Variants in RBMS3 observed in about 807,000 individuals in gnomAD.
The protein encoded by RBMS3 is RNA-binding motif, single-stranded-interacting protein 3.
In RBMS3, 27 loss-of-function variants were observed where a neutral mutation model predicts 66.8. That is an observed-to-expected ratio of 0.40 (90% CI 0.30 to 0.56). The LOEUF is 0.56. Ranked by LOEUF, RBMS3 falls within the 20% of genes least tolerant of loss-of-function variation. The probability of loss-of-function intolerance (pLI) is 0.40; values close to 1 mark genes in which losing one functional copy is unlikely to be tolerated. For synonymous variants in RBMS3, 188 were observed against 183.0 expected, an observed-to-expected ratio of 1.03 and a Z score of -0.22; for missense variants, 513 against 549.5, an observed-to-expected ratio of 0.93 and a Z score of 0.66.
intron 5 of RBMS3, among the ~76,000 whole-genome samples, chr3:29,760,373 C>T (rs977347945): frequency 1.3e-5 from 2 of 152,006 alleles, no homozygotes; most frequent in African/African-American, 4.8e-5. Flanking sequence ...AGGACTCTTG[C>T]AAGCAAGCTT....
intron 1 of RBMS3, among the ~76,000 whole-genome samples, chr3:29,370,366 G>C (rs2125600408): frequency 6.6e-6 from 1 of 152,302 alleles, no homozygotes; most frequent in Middle Eastern, 3.4e-3. Flanking sequence ...CCATTTTCAT[G>C]TTAGATAACT....
chr3:29,570,593 T>C (rs2046918025), intron 3 of RBMS3, among the ~76,000 whole-genome samples: 1 of 152,196 alleles, frequency 6.6e-6, no homozygotes, highest in South Asian at 2.1e-4. Context: ...TTTCTGTTAC[T>C]GGCTTATTTC....
At chr3:29,701,115 A>C (rs1263287301) in intron 4 of RBMS3, among the ~76,000 whole-genome samples, 7 of 152,088 alleles carry the variant, frequency 4.6e-5, no homozygotes, top group Non-Finnish European at 8.8e-5. Context: ...AGTCTCTACT[A>C]AAAATACAAA....
chr3:29,551,739 G>A lies in RBMS3; in HGVS notation c.308-35375G>A, dbSNP rs797018138. On this transcript the variant is annotated intron_variant, in intron 3 of 14. Coordinates refer to ENST00000383767, the MANE Select transcript of RBMS3 (RefSeq NM_001003793.3). ...AGTAATCTGACAATTCAAGTGTGAC[G>A]AGGTATCCAAATCTATCTTTTTGTT... is the stretch of plus-strand genomic sequence containing the variant. Among the ~76,000 whole-genome samples the A allele has an allele frequency of 1.2e-4, 18 of 152,222 alleles. 1 individual carries two copies. Among genetic ancestry groups the A allele is most frequent in the African/African-American group, 4.3e-4 (18 of 41,562 alleles).
chr3:29,747,124 T>TAAGAGGTGGA (rs2054936676), intron 5 of RBMS3, among the ~76,000 whole-genome samples: 2 of 152,166 alleles, frequency 1.3e-5, no homozygotes, highest in South Asian at 4.1e-4. Context: ...AATAGAAAAG[T>TAAGAGGTGGA]AAGAGGTGGA....
At chr3:29,927,059 T>C (rs965951970) in intron 10 of RBMS3, 1 of 152,202 alleles carries the variant, frequency 6.6e-6, no homozygotes, top group Non-Finnish European at 1.5e-5. Context: ...AGAATGGAAA[T>C]CATGTCGTGA....
chr3:29,846,991 T>C (rs2058797442), intron 6 of RBMS3, among the ~76,000 whole-genome samples: 1 of 152,160 alleles, frequency 6.6e-6, no homozygotes, highest in South Asian at 2.1e-4. Context: ...CCATCTGATA[T>C]AGTACCCAGG....
intron 4 of RBMS3, among the ~76,000 whole-genome samples, chr3:29,605,196 G>C (rs1473377446): frequency 6.6e-6 from 1 of 151,604 alleles, no homozygotes; most frequent in African/African-American, 2.4e-5. Flanking sequence ...TGGATTAAAG[G>C]AAGCCACTGT....
chr3:29,655,087 A>G (rs2050279300), intron 4 of RBMS3, among the ~76,000 whole-genome samples: 1 of 151,966 alleles, frequency 6.6e-6, no homozygotes, highest in Non-Finnish European at 1.5e-5. Context: ...CAGTGTCTTC[A>G]TCTGTGAAAT....
chr3:29,326,270 TCC>T (rs2035332335), intron 1 of RBMS3, among the ~76,000 whole-genome samples: 1 of 152,180 alleles, frequency 6.6e-6, no homozygotes, highest in Non-Finnish European at 1.5e-5. Context: ...CATTCTTACC[TCC>T]ACCCACTGAT....
intron 1 of RBMS3, among the ~76,000 whole-genome samples, chr3:29,365,085 A>T (rs1380659022): frequency 6.6e-6 from 1 of 152,158 alleles, no homozygotes; most frequent in Non-Finnish European, 1.5e-5. Flanking sequence ...TTAGGATGTG[A>T]CTACAGGTTC....
rs78198875 is a variant in RBMS3 at position 29,958,759 on chromosome 3, T to C, written c.1098+14505T>C. Among the ~76,000 whole-genome samples, 725 of 152,302 alleles carry C rather than the reference T, an allele frequency of 4.8e-3. 4 individuals are homozygous for C. The highest frequency in any genetic ancestry group is 0.017 in the African/African-American group (693 of 41,574). ...TATAGGTCCCAGTTCCTAAAATAAC[T>C]TTTCTTAGCAGTCTCACCAAGAGTG... On this transcript the variant is annotated intron_variant, in intron 12 of 14. Transcript: ENST00000383767.
In RBMS3 at chr3:29,384,435, T is replaced by TAATAAGAAGAAG. The variant is rs776357215; in HGVS notation, c.76-50306_76-50305insTAAGAAGAAGAA. ...TATACACCAATAATAATAATAATAA[T>TAATAAGAAGAAG]AAGAAGAAGAAGAAGAAGAAGAAGA... On this transcript the variant is annotated intron_variant, in intron 1 of 14. Transcript: ENST00000383767. 6.2e-3 allele frequency among the ~76,000 whole-genome samples: 874 copies of TAATAAGAAGAAG among 141,064 alleles called. 2 individuals are homozygous for TAATAAGAAGAAG. The highest frequency in any genetic ancestry group is 0.012 in the South Asian group (48 of 4,142). 92.5% of individuals were successfully genotyped at this position (141,064 alleles called of 152,430 possible). A position where few individuals can be genotyped will look rare whatever the true frequency, so the allele number is the denominator to read the frequency against.
At chr3:29,889,945 C>T (rs2059961090) in intron 8 of RBMS3, among the ~76,000 whole-genome samples, 2 of 151,704 alleles carry the variant, frequency 1.3e-5, no homozygotes, top group East Asian at 2.0e-4. Context: ...CCTCTAGTTT[C>T]ACCCAAAGCA....
chr3:29,657,962 A>G (rs4453804), intron 4 of RBMS3, among the ~76,000 whole-genome samples: 32,625 of 152,126 alleles, frequency 0.21, 3,791 homozygotes, highest in East Asian at 0.35. Flanking sequence ...TTCAAGGAAA[A>G]TAAATGAACA....
chr3:29,601,718 A>G (rs1005894167), intron 4 of RBMS3, among the ~76,000 whole-genome samples: 4 of 152,202 alleles, frequency 2.6e-5, no homozygotes, highest in African/African-American at 9.6e-5. Flanking sequence ...TGCACATTAA[A>G]TAAACCATTA....
chr3:29,516,017 A>C (rs528559572), intron 3 of RBMS3, among the ~76,000 whole-genome samples: 2 of 152,338 alleles, frequency 1.3e-5, no homozygotes, highest in African/African-American at 4.8e-5. Context: ...TGAGAGTTGA[A>C]GAGGACATGG....
intron 14 of RBMS3, among the ~76,000 whole-genome samples, chr3:29,995,124 A>G (rs1255949302): frequency 2.6e-5 from 4 of 152,244 alleles, no homozygotes; most frequent in Non-Finnish European, 5.9e-5. Flanking sequence ...TACGTGAAGA[A>G]TGCAGAAGCC....
chr3:29,868,898 A>T lies in RBMS3; in HGVS notation c.678A>T (p.Gly226=), dbSNP rs1320348648. 1.9e-6 allele frequency: 3 copies of T among 1,604,658 alleles called. No homozygotes were observed. The highest frequency in any genetic ancestry group is 2.6e-6 in the Non-Finnish European group (3 of 1,175,038). ...EPLLCKFADG[G]QKKRQNQSKY... ...TGCTGTGCAAATTCGCTGATGGAGG[A>T]CAAAAGAAGCGACAGAATCAAAGCA... The change falls in exon 7 of 15, where the codon GGA becomes GGT. Residue 226 remains glycine (G), a synonymous_variant. Coordinates refer to ENST00000383767, the MANE Select transcript of RBMS3 (RefSeq NM_001003793.3).
Sources: gnomAD v4.1 joint callset for allele counts (sites outside exome capture counted in the v4.1 genomes callset) on GRCh38, gnomAD v4.1.1 for gene constraint, MANE v1.5 for transcripts, NCBI Gene and HGNC (gene_info 2026-07-23, HGNC 2026-07-21) for gene names.